Variants in CERKL observed in about 807,000 individuals in gnomAD.
CERKL encodes the protein ceramide kinase-like protein.
A neutral mutation model predicts 63.4 loss-of-function variants in CERKL; 61 were observed. The observed-to-expected ratio is 0.96, with a 90% CI of 0.78 to 1.19. The LOEUF is 1.19. CERKL is among the 50% of genes most tolerant of loss of function. The pLI is 0.00. For synonymous variants in CERKL, 250 were observed against 230.5 expected (o/e 1.08, Z -0.77); for missense variants, 675 against 655.5 (o/e 1.03, Z -0.33).
intron 2 of CERKL, among the ~76,000 whole-genome samples, chr2:181,601,357 C>G (rs1685450006): frequency 1.3e-5 from 2 of 152,224 alleles, no homozygotes; most frequent in South Asian, 4.1e-4. Flanking sequence ...CTCAGGAGTT[C>G]AAGACCAGCC....
chr2:181,538,159 CATTTCTTTTAG>C lies in CERKL; in HGVS notation c.*14_*24del. On this transcript the variant is annotated 3_prime_UTR_variant, in exon 13 of 13. Coordinates refer to ENST00000410087, the MANE Select transcript of CERKL (RefSeq NM_201548.5). The stretch of plus-strand genomic sequence containing the variant: ...CTTTATATTAAAATTCTAGTTTGTA[CATTTCTTTTAG>C]AAACAATTACATGTTACTTTGGAAT... 17 of 1,454,316 alleles carry C rather than the reference CATTTCTTTTAG, an allele frequency of 1.2e-5. No homozygotes were observed. The highest frequency in any genetic ancestry group is 1.5e-5 in the Non-Finnish European group (16 of 1,037,144). 90.1% of individuals were successfully genotyped at this position (1,454,316 alleles called of 1,614,324 possible).
intron 1 of CERKL, among the ~76,000 whole-genome samples, chr2:181,610,701 CA>C (rs1218125345): frequency 2.0e-5 from 3 of 152,124 alleles, no homozygotes; most frequent in African/African-American, 7.2e-5. Flanking sequence ...CAGTGGAAAA[CA>C]CACAACAAAT....
At chr2:181,636,952 C>T (rs889695915) in intron 1 of CERKL, among the ~76,000 whole-genome samples, 5 of 152,150 alleles carry the variant, frequency 3.3e-5, no homozygotes, top group African/African-American at 1.2e-4. Flanking sequence ...TATCTGAAGA[C>T]AGAAATCATG....
chr2:181,548,936 A>G (rs568712409), intron 6 of CERKL, 79 bp from the exon 7 acceptor site: 5 of 1,306,300 alleles, frequency 3.8e-6, no homozygotes, highest in East Asian at 4.7e-5. Flanking sequence ...GAGCATATTT[A>G]TTGGCTTATA....
Position 181,558,210 on chromosome 2 carries a change from C to T in CERKL, c.820+356G>A, listed in dbSNP as rs1432215137. Among the ~76,000 whole-genome samples, 1 of 152,128 alleles carries T rather than the reference C, an allele frequency of 6.6e-6. No homozygotes were observed. Among genetic ancestry groups the T allele is most frequent in the African/African-American group, 2.4e-5 (1 of 41,422 alleles). ...CTGGAGTGGCCCTGTTTTGAAACTT[C>T]TTACCTGGTACTGTGTAATCAACAG... On this transcript the variant is annotated intron_variant, in intron 5 of 12. Coordinates refer to ENST00000410087, the MANE Select transcript of CERKL (RefSeq NM_201548.5). This position sits in a 1 kb window ranked among gnomAD's most constrained non-coding sequence, Gnocchi z 4.2.
intron 1 of CERKL, among the ~76,000 whole-genome samples, chr2:181,646,474 CAG>C (rs1336888324): frequency 6.6e-6 from 1 of 152,170 alleles, no homozygotes; most frequent in African/African-American, 2.4e-5. Context: ...AACAAAAGAT[CAG>C]AGTTAGTCTA....
At chr2:181,567,371 C>A (rs1291475432) in intron 3 of CERKL, among the ~76,000 whole-genome samples, 1 of 152,100 alleles carries the variant, frequency 6.6e-6, no homozygotes, top group Non-Finnish European at 1.5e-5. Flanking sequence ...TGCTAAGAAT[C>A]AGTTCACCAA....
intron 11 of CERKL, among the ~76,000 whole-genome samples, chr2:181,542,114 A>G (rs2105792607): frequency 6.6e-6 from 1 of 152,172 alleles, no homozygotes; most frequent in East Asian, 1.9e-4. Context: ...AAGGTTTTAA[A>G]CTCCCTACCA....
Position 181,550,583 on chromosome 2 carries a change from A to C in CERKL, c.821-875T>G, listed in dbSNP as rs1261158798. On this transcript the variant is annotated intron_variant, in intron 5 of 12. Coordinates refer to ENST00000410087, the MANE Select transcript of CERKL (RefSeq NM_201548.5). The surrounding 1 kb of genome is among the most constrained non-coding windows in gnomAD (Gnocchi z 4.5). ...ATAAGTAAGTCCAATAATAGCCAAGAGCTGTGAAACCATGCATGTGGTGTG... is the reference window on the plus strand; with the variant it reads ...ATAAGTAAGTCCAATAATAGCCAAGCGCTGTGAAACCATGCATGTGGTGTG... Among the ~76,000 whole-genome samples the C allele has an allele frequency of 6.6e-6, 1 of 152,170 alleles. No individual in the cohort carries two copies. The highest frequency in any genetic ancestry group is 2.4e-5 in the African/African-American group (1 of 41,454).
At chr2:181,623,184 T>C (rs184604322) in intron 1 of CERKL, among the ~76,000 whole-genome samples, 1 of 152,356 alleles carries the variant, frequency 6.6e-6, no homozygotes, top group East Asian at 1.9e-4. Flanking sequence ...ATAATATCTT[T>C]TAGATTGAAA....
intron 1 of CERKL, among the ~76,000 whole-genome samples, chr2:181,620,922 G>C (rs1686421897): frequency 6.6e-6 from 1 of 152,132 alleles, no homozygotes; most frequent in Non-Finnish European, 1.5e-5. Flanking sequence ...TTTAGGCCCA[G>C]ACTTACTGAA....
chr2:181,627,381 A>G (rs1686756602), intron 1 of CERKL, among the ~76,000 whole-genome samples: 1 of 152,232 alleles, frequency 6.6e-6, no homozygotes, highest in Admixed American at 6.5e-5. Flanking sequence ...AGATACAGAA[A>G]AGAATGAAAA....
At chr2:181,551,155 G>A (rs1687970019) in intron 5 of CERKL, among the ~76,000 whole-genome samples, 1 of 152,072 alleles carries the variant, frequency 6.6e-6, no homozygotes, top group Non-Finnish European at 1.5e-5. Context: ...AAATACGGAA[G>A]CTAAATTGCC....
At chr2:181,623,741 C>T (rs1013507370) in intron 1 of CERKL, among the ~76,000 whole-genome samples, 6 of 152,142 alleles carry the variant, frequency 3.9e-5, no homozygotes, top group Admixed American at 2.6e-4. Context: ...CCCAAAGCTC[C>T]AAAAACATTT....
In CERKL at chr2:181,536,966, T is replaced by TCCTAATTGATGA. The variant is rs1282547031; in HGVS notation, c.*1206_*1217dup. ...TGAAGTCCCTGCCACTAGCCAGCCA[T>TCCTAATTGATGA]CCTAATTGATGAAAGTTATCTGTTC... On this transcript the variant is annotated 3_prime_UTR_variant, in exon 13 of 13. Coordinates refer to ENST00000410087, the MANE Select transcript of CERKL (RefSeq NM_201548.5). 2 of 452,644 alleles carry TCCTAATTGATGA rather than the reference T, an allele frequency of 4.4e-6. No homozygotes were observed. Among genetic ancestry groups the TCCTAATTGATGA allele is most frequent in the Admixed American group, 4.7e-5 (2 of 42,296 alleles). 28.0% of individuals were successfully genotyped at this position (452,644 alleles called of 1,614,324 possible). A position where few individuals can be genotyped will look rare whatever the true frequency, so the allele number is the denominator to read the frequency against.
intron 1 of CERKL, among the ~76,000 whole-genome samples, chr2:181,613,785 C>A (rs544904702): frequency 7.2e-5 from 11 of 152,284 alleles, no homozygotes; most frequent in African/African-American, 2.6e-4. Context: ...AAAATCTGAT[C>A]TATTACTCAT....
chr2:181,649,680 C>A (rs532573472), intron 1 of CERKL: 66 of 152,264 alleles, frequency 4.3e-4, no homozygotes, highest in African/African-American at 1.6e-3. Flanking sequence ...CAAGTCTTAA[C>A]AAATTTTAAA....
intron 2 of CERKL, among the ~76,000 whole-genome samples, chr2:181,586,967 C>T (rs1017844873): frequency 1.9e-4 from 29 of 152,262 alleles, no homozygotes; most frequent in African/African-American, 7.0e-4. Flanking sequence ...AAAGATAAAA[C>T]CCAAACACAG....
rs1574071145 is a variant in CERKL, at chr2:181,651,366, T to C, written c.238+5403A>G. On this transcript the variant is annotated intron_variant, in intron 1 of 12. Coordinates refer to ENST00000410087, the MANE Select transcript of CERKL (RefSeq NM_201548.5). ...CACTGGGATCAGAGGCATGCAAGAA[T>C]GGTTTAACATACACAAAGCAGTAAA... is the stretch of plus-strand genomic sequence containing the variant. 3.3e-5 allele frequency among the ~76,000 whole-genome samples: 5 copies of C among 152,268 alleles called. 1 individual carries two copies. The highest frequency in any genetic ancestry group is 3.3e-4 in the Admixed American group (5 of 15,304).
Sources: allele counts gnomAD v4.1 joint callset (sites outside exome capture counted in the v4.1 genomes callset), GRCh38; gene constraint gnomAD v4.1.1; non-coding constraint Gnocchi (gnomAD v3.1); transcripts MANE v1.5; gene names NCBI Gene and HGNC (gene_info 2026-07-23, HGNC 2026-07-21).